The following LMOD1 variants were observed in gnomAD, a reference collection of about 807,000 sequenced individuals.
The protein encoded by LMOD1 is leiomodin-1.
LMOD1 carries 8 observed loss-of-function variants against 36.5 expected under a neutral mutation model. The observed-to-expected ratio is 0.22, with a 90% CI of 0.13 to 0.40. The LOEUF (loss-of-function observed/expected upper bound fraction) is 0.40, where lower values mean the gene tolerates loss of function less well. Ranked by LOEUF, LMOD1 falls within the 10% of genes least tolerant of loss-of-function variation. The pLI, the probability that LMOD1 is intolerant of heterozygous loss-of-function variation, is 1.00. For synonymous variants in LMOD1, 284 were observed against 288.7 expected (o/e 0.98, Z 0.17); for missense variants, 630 against 751.1 (o/e 0.84, Z 1.88).
At chr1:201,922,456 A>G (rs1366189445) in intron 1 of LMOD1, among the ~76,000 whole-genome samples, 2 of 152,222 alleles carry the variant, frequency 1.3e-5, no homozygotes, top group Admixed American at 6.5e-5. Context: ...CCTTGAAAAC[A>G]TAACTGAAAG....
rs1681206618 is a variant in LMOD1 at position 201,897,010 on chromosome 1, G to C, written c.*1362C>G. ...GGTGGCAGTTCCACAGTGCCAAGGG[G>C]TGGCAGCACCTTCAAGAGAATGAAA... On this transcript the variant is annotated 3_prime_UTR_variant, in exon 3 of 3. Transcript: ENST00000367288. 2 of 308,524 alleles carry C rather than the reference G, an allele frequency of 6.5e-6. No individual in the cohort carries two copies. The highest frequency in any genetic ancestry group is 1.3e-5 in the Non-Finnish European group (2 of 154,102). 19.1% of individuals were successfully genotyped at this position (308,524 alleles called of 1,614,324 possible). A position where few individuals can be genotyped will look rare whatever the true frequency, so the allele number is the denominator to read the frequency against.
intron 1 of LMOD1, among the ~76,000 whole-genome samples, chr1:201,917,165 G>T (rs1382234449): frequency 6.6e-6 from 1 of 152,170 alleles, no homozygotes. Context: ...TGCCAAGGCT[G>T]GGAGGGTTCT....
chr1:201,923,900 AGAGG>A (rs1681750717), intron 1 of LMOD1, among the ~76,000 whole-genome samples: 1 of 136,994 alleles, frequency 7.3e-6, no homozygotes, highest in African/African-American at 2.7e-5. Context: ...AGAGAGAGAG[AGAGG>A]GAGGGAGAGA....
At chr1:201,938,052 C>T (rs766796700) in intron 1 of LMOD1, among the ~76,000 whole-genome samples, 1 of 152,050 alleles carries the variant, frequency 6.6e-6, no homozygotes, top group Non-Finnish European at 1.5e-5. Flanking sequence ...GGTTTCCAAC[C>T]CAGCACTCTG....
intron 1 of LMOD1, among the ~76,000 whole-genome samples, chr1:201,930,799 G>C (rs1188683722): frequency 6.6e-6 from 1 of 152,218 alleles, no homozygotes; most frequent in African/African-American, 2.4e-5. Flanking sequence ...TCACAGAGGA[G>C]ATTAAGAAGG....
intron 1 of LMOD1, among the ~76,000 whole-genome samples, chr1:201,932,660 T>C (rs565565962): frequency 6.6e-6 from 1 of 152,142 alleles, no homozygotes; most frequent in South Asian, 2.1e-4. Flanking sequence ...AAGGATCACT[T>C]GAGCCCAGGA....
intron 1 of LMOD1, among the ~76,000 whole-genome samples, chr1:201,931,405 C>T (rs1289810169): frequency 3.3e-5 from 5 of 151,888 alleles, no homozygotes; most frequent in Non-Finnish European, 5.9e-5. Context: ...CGTGGCGGTG[C>T]GTGCCTGTAA....
chr1:201,918,085 C>G (rs1364246786), intron 1 of LMOD1, among the ~76,000 whole-genome samples: 1 of 152,238 alleles, frequency 6.6e-6, no homozygotes, highest in African/African-American at 2.4e-5. Context: ...AATTCTGTAG[C>G]CAGTCCTAGG....
chr1:201,927,011 G>A (rs576874426), intron 1 of LMOD1, among the ~76,000 whole-genome samples: 1 of 152,142 alleles, frequency 6.6e-6, no homozygotes, highest in African/African-American at 2.4e-5. Flanking sequence ...CTAAGACAAA[G>A]AATTATTGGC....
At chr1:201,936,337 T>C (rs1240829217) in intron 1 of LMOD1, among the ~76,000 whole-genome samples, 1 of 152,086 alleles carries the variant, frequency 6.6e-6, no homozygotes, top group Non-Finnish European at 1.5e-5. Flanking sequence ...AAGGCATAAA[T>C]TAGATCACAT....
chr1:201,904,540 G>T (rs928925399), intron 1 of LMOD1, among the ~76,000 whole-genome samples: 1 of 152,068 alleles, frequency 6.6e-6, no homozygotes. Context: ...CCCTGACACC[G>T]CACATCCTGA....
At chr1:201,930,670 T>C (rs1681901325) in intron 1 of LMOD1, among the ~76,000 whole-genome samples, 1 of 152,022 alleles carries the variant, frequency 6.6e-6, no homozygotes, top group Admixed American at 6.6e-5. Context: ...AGGCCAGAGA[T>C]AGAAAGAGAG....
Position 201,897,172 on chromosome 1 carries a change from G to GTTTTTTAATGATACGGCGAC in LMOD1, c.*1199_*1200insGTCGCCGTATCATTAAAAAA. Reference sequence around the variant, plus strand: ...AGATGAGGCCCCTCTGAGCCCTAGGGCACACAGATATGGGTGCTATTCTCC... The same window carrying GTTTTTTAATGATACGGCGAC: ...AGATGAGGCCCCTCTGAGCCCTAGGGTTTTTTAATGATACGGCGACCACACAGATATGGGTGCTATTCTCC... On this transcript the variant is annotated 3_prime_UTR_variant, in exon 3 of 3. Transcript: ENST00000367288. 17 of 227,582 alleles carry GTTTTTTAATGATACGGCGAC rather than the reference G, an allele frequency of 7.5e-5. No homozygotes were observed. Among genetic ancestry groups the GTTTTTTAATGATACGGCGAC allele is most frequent in the South Asian group, 2.5e-4 (4 of 16,170 alleles). 14.1% of individuals were successfully genotyped at this position (227,582 alleles called of 1,614,324 possible).
At chr1:201,935,588 ACT>A (rs1264626426) in intron 1 of LMOD1, among the ~76,000 whole-genome samples, 1 of 150,988 alleles carries the variant, frequency 6.6e-6, no homozygotes, top group Non-Finnish European at 1.5e-5. Flanking sequence ...TGACAGTCTC[ACT>A]CTGTCACCCA....
intron 1 of LMOD1, among the ~76,000 whole-genome samples, chr1:201,930,848 C>T (rs1681906078): frequency 6.6e-6 from 1 of 152,148 alleles, no homozygotes; most frequent in Admixed American, 6.6e-5. Flanking sequence ...GGAGAATGTG[C>T]TGTATTGGCA....
chr1:201,936,794 G>T (rs1392641949), intron 1 of LMOD1, among the ~76,000 whole-genome samples: 1 of 152,084 alleles, frequency 6.6e-6, no homozygotes, highest in Non-Finnish European at 1.5e-5. Flanking sequence ...AAAAAAATTA[G>T]CTGGGTGTGG....
At chr1:201,932,694 A>T (rs1681945503) in intron 1 of LMOD1, among the ~76,000 whole-genome samples, 1 of 152,150 alleles carries the variant, frequency 6.6e-6, no homozygotes, top group African/African-American at 2.4e-5. Context: ...GTGAGCCAAG[A>T]TTGCACCACT....
chr1:201,933,529 CTCTATATATATAATACA>C (rs1166995047), intron 1 of LMOD1, among the ~76,000 whole-genome samples: 106 of 125,188 alleles, frequency 8.5e-4, no homozygotes, highest in African/African-American at 2.6e-3. Context: ...CTCTCTCTCT[CTCTATATATATAATACA>C]TATATATATA....
In LMOD1 at chr1:201,899,454, G is replaced by A. The variant is rs1681253438; in HGVS notation, c.1559C>T (p.Ser520Phe). 1.2e-6 allele frequency: 2 copies of A among 1,613,890 alleles called. No individual in the cohort carries two copies. Among genetic ancestry groups the A allele is most frequent in the South Asian group, 1.1e-5 (1 of 91,084 alleles). ...KPSPQPSPKP[S>F]PKNSPKKGGA... ...CCCTTTTTTGGGTGAGTTCTTTGGAGAGGGCTTTGGAGATGGTTGAGGTGA... is the reference window on the plus strand; with the variant it reads ...CCCTTTTTTGGGTGAGTTCTTTGGAAAGGGCTTTGGAGATGGTTGAGGTGA... The change falls in exon 2 of 3, where the codon TCT becomes TTT. Residue 520 changes from serine (S) to phenylalanine (F), a missense_variant. This residue lies in a region of LMOD1 where 144 missense variants were observed against 169.8 expected (regional missense o/e 0.85). Coordinates refer to ENST00000367288, the MANE Select transcript of LMOD1 (RefSeq NM_012134.3). This position sits in a 1 kb window ranked among gnomAD's most constrained non-coding sequence, Gnocchi z 6.3.
Sources: gnomAD v4.1 joint callset for allele counts (sites outside exome capture counted in the v4.1 genomes callset) on GRCh38, gnomAD v4.1.1 for gene constraint, gnomAD v4.1.1 regional missense constraint, Gnocchi (gnomAD v3.1) non-coding constraint, MANE v1.5 for transcripts, NCBI Gene and HGNC (gene_info 2026-07-23, HGNC 2026-07-21) for gene names.